Variants in PLCB4 observed in about 807,000 individuals in gnomAD.
PLCB4 encodes the protein 1-phosphatidylinositol 4,5-bisphosphate phosphodiesterase beta-4.
A neutral mutation model predicts 178.8 loss-of-function variants in PLCB4; 77 were observed. The observed-to-expected ratio is 0.43, with a 90% CI of 0.36 to 0.52. PLCB4 has a LOEUF of 0.52. Among genes scored for constraint, PLCB4 ranks in the 20% least tolerant of loss-of-function variants. PLCB4 has a pLI of 0.00. For missense variants in PLCB4, 1,024 were observed against 1,453.4 expected (o/e 0.70, Z 4.80); for synonymous variants, 496 against 490.8 (o/e 1.01, Z -0.14).
chr20:9,145,857 G>C lies in PLCB4; in HGVS notation c.-79+49515G>C, dbSNP rs535043854. ...GAGGTCTTGTGACCTGTTTTTGGGG[G>C]TTTTAGGGAAAGCTTCCAGGAAGCA... On this transcript the variant is annotated intron_variant, in intron 2 of 39. Coordinates refer to ENST00000378473, the MANE Select transcript of PLCB4 (RefSeq NM_001377142.1). 5.3e-5 allele frequency among the ~76,000 whole-genome samples: 8 copies of C among 152,080 alleles called. No individual in the cohort carries two copies. The South Asian group carries it at 1.7e-3, about 32-fold the overall frequency.
chr20:9,271,775 T>C (rs1462306085), intron 3 of PLCB4, among the ~76,000 whole-genome samples: 1 of 152,140 alleles, frequency 6.6e-6, no homozygotes, highest in Non-Finnish European at 1.5e-5. Context: ...ATAACACTTG[T>C]ACCTGGAGTC....
chr20:9,345,369 A>C (rs1445655084), intron 7 of PLCB4, among the ~76,000 whole-genome samples: 6 of 152,130 alleles, frequency 3.9e-5, no homozygotes, highest in African/African-American at 1.4e-4. Context: ...AAGCAACTTT[A>C]GTTCCTCTCA....
At chr20:9,357,672 C>G (rs1254967626) in intron 7 of PLCB4, among the ~76,000 whole-genome samples, 2 of 152,122 alleles carry the variant, frequency 1.3e-5, no homozygotes, top group East Asian at 3.9e-4. Flanking sequence ...CAGATAGCCC[C>G]CTTGCCCTTT....
chr20:9,347,582 C>G (rs2033930663), intron 7 of PLCB4, among the ~76,000 whole-genome samples: 2 of 152,188 alleles, frequency 1.3e-5, no homozygotes, highest in Non-Finnish European at 2.9e-5. Flanking sequence ...GAAACCTGAA[C>G]TTGGACAAAT....
Position 9,419,828 on chromosome 20 carries a change from C to T in PLCB4, c.2073C>T (p.Phe691=). 6.2e-7 allele frequency: 1 copy of T among 1,613,688 alleles called. No homozygotes were observed. Among genetic ancestry groups the T allele is most frequent in the Non-Finnish European group, 8.5e-7 (1 of 1,179,574 alleles). ...CCAGGTACCTTCTCAAACCAGATTT[C>T]ATGAGGCGGCCTGATCGAACATTTG... is the stretch of plus-strand genomic sequence containing the variant. ...GSCGYLLKPD[F]MRRPDRTFDP... Residue 691 remains phenylalanine (F), a synonymous_variant, in exon 26 of 40, where the codon TTC becomes TTT. Transcript: ENST00000378473.
At chr20:9,109,859 A>T (rs750778255) in intron 2 of PLCB4, among the ~76,000 whole-genome samples, 2 of 152,146 alleles carry the variant, frequency 1.3e-5, no homozygotes, top group Non-Finnish European at 2.9e-5. Flanking sequence ...GGAAATTGTC[A>T]TCTGGCTTTG....
At chr20:9,328,664 T>G (rs981767489) in intron 4 of PLCB4, among the ~76,000 whole-genome samples, 3 of 152,186 alleles carry the variant, frequency 2.0e-5, no homozygotes, top group African/African-American at 7.2e-5. Context: ...TGTGTCAGCC[T>G]CAAAGCAGGT....
intron 3 of PLCB4, among the ~76,000 whole-genome samples, chr20:9,240,414 G>A (rs1413028635): frequency 6.6e-6 from 1 of 152,086 alleles, no homozygotes; most frequent in Admixed American, 6.5e-5. Flanking sequence ...CATAATTTTT[G>A]TAACTATATT....
chr20:9,200,073 T>G (rs2093523714), intron 2 of PLCB4, among the ~76,000 whole-genome samples: 1 of 146,084 alleles, frequency 6.8e-6, no homozygotes, highest in Non-Finnish European at 1.5e-5. Flanking sequence ...TAGCAGCAGA[T>G]GTTCCCAAAG....
intron 2 of PLCB4, among the ~76,000 whole-genome samples, chr20:9,138,407 T>C (rs1323421406): frequency 1.3e-5 from 2 of 151,956 alleles, no homozygotes; most frequent in Non-Finnish European, 2.9e-5. Flanking sequence ...AGACATTTAG[T>C]GGGAAATATA....
chr20:9,269,657 CTT>C (rs1291883315), intron 3 of PLCB4, among the ~76,000 whole-genome samples: 1 of 151,904 alleles, frequency 6.6e-6, no homozygotes, highest in Non-Finnish European at 1.5e-5. Flanking sequence ...ATAAACTACT[CTT>C]ATATCAACAG....
chr20:9,443,354 A>T (rs528896620), intron 30 of PLCB4, among the ~76,000 whole-genome samples: 2 of 152,334 alleles, frequency 1.3e-5, no homozygotes, highest in South Asian at 2.1e-4. Context: ...CAAAGGTAAG[A>T]ATAAGGATAA....
At chr20:9,379,476 G>T (rs1020979229) in intron 12 of PLCB4, among the ~76,000 whole-genome samples, 4 of 151,988 alleles carry the variant, frequency 2.6e-5, no homozygotes, top group African/African-American at 9.7e-5. Flanking sequence ...ATTACAATTG[G>T]TTCGTTTTGA....
intron 9 of PLCB4, among the ~76,000 whole-genome samples, chr20:9,370,600 G>T (rs150519298): frequency 6.6e-6 from 1 of 152,094 alleles, no homozygotes; most frequent in Non-Finnish European, 1.5e-5. Context: ...ATTTATCATT[G>T]TTTTTGTCCA....
chr20:9,418,357 T>C (rs894714616), intron 25 of PLCB4, among the ~76,000 whole-genome samples: 19 of 152,178 alleles, frequency 1.2e-4, no homozygotes, highest in African/African-American at 3.9e-4. Flanking sequence ...TCCAGTTTTA[T>C]TTATTTATCT....
At chr20:9,366,986 T>C (rs1311541015) in intron 9 of PLCB4, among the ~76,000 whole-genome samples, 5 of 152,244 alleles carry the variant, frequency 3.3e-5, no homozygotes, top group Admixed American at 3.3e-4. Context: ...TGTGGATGCA[T>C]TGAGCAGTGG....
At chr20:9,322,488 G>A (rs997681824) in intron 4 of PLCB4, among the ~76,000 whole-genome samples, 3 of 152,152 alleles carry the variant, frequency 2.0e-5, no homozygotes, top group African/African-American at 7.2e-5. Context: ...GCTTTGTCAA[G>A]AACGTTAATT....
chr20:9,105,533 C>G (rs1010301677), intron 2 of PLCB4, among the ~76,000 whole-genome samples: 1 of 151,946 alleles, frequency 6.6e-6, no homozygotes, highest in Admixed American at 6.6e-5. Flanking sequence ...ACAAGAAATA[C>G]TTATGAGGGG....
At chr20:9,409,709 A>G (rs1200898744) in intron 24 of PLCB4, among the ~76,000 whole-genome samples, 1 of 152,220 alleles carries the variant, frequency 6.6e-6, no homozygotes. Context: ...GTACTAATCT[A>G]TAACTTGGTC....
Sources: allele counts gnomAD v4.1 joint callset (sites outside exome capture counted in the v4.1 genomes callset), GRCh38; gene constraint gnomAD v4.1.1; transcripts MANE v1.5; gene names NCBI Gene and HGNC (gene_info 2026-07-23, HGNC 2026-07-21).